Variants in SRGAP2B observed in about 807,000 individuals in gnomAD.
SRGAP2B encodes the protein SLIT-ROBO Rho GTPase activating protein 2B.
In SRGAP2B, 9 loss-of-function variants were observed where a neutral mutation model predicts 22.2. That is an observed-to-expected ratio of 0.41 (90% confidence interval 0.24 to 0.71). SRGAP2B has a LOEUF of 0.71. Ranked by LOEUF, SRGAP2B falls within the 30% of genes least tolerant of loss-of-function variation. SRGAP2B has a pLI of 0.35. For synonymous variants in SRGAP2B, 36 were observed against 87.4 expected, an observed-to-expected ratio of 0.41 and a Z score of 3.28; for missense variants, 114 against 235.8, an observed-to-expected ratio of 0.48 and a Z score of 3.38.
intron 4 of SRGAP2B, among the ~76,000 whole-genome samples, chr1:144,928,518 A>C (rs1266334416): frequency 7.6e-6 from 1 of 131,266 alleles, no homozygotes; most frequent in Non-Finnish European, 1.6e-5. Flanking sequence ...GCTCACTGCA[A>C]GCTCCGCCTC....
At chr1:144,966,879 CA>C (rs1349857432) in intron 3 of SRGAP2B, among the ~76,000 whole-genome samples, 3 of 147,946 alleles carry the variant, frequency 2.0e-5, no homozygotes, top group African/African-American at 7.9e-5. Context: ...CCACAAAGAT[CA>C]AAAGAGACAA....
intron 4 of SRGAP2B, among the ~76,000 whole-genome samples, chr1:144,927,087 C>T (rs1553605127): frequency 1.3e-5 from 2 of 150,210 alleles, no homozygotes; most frequent in Admixed American, 1.3e-4. Context: ...GTAGCTGGGA[C>T]TACAGGTGCC....
chr1:144,929,417 T>C (rs1291068864), intron 4 of SRGAP2B, among the ~76,000 whole-genome samples: 1 of 150,588 alleles, frequency 6.6e-6, no homozygotes, highest in African/African-American at 2.5e-5. Context: ...TATATTTTCT[T>C]CTAAGAGTTT....
chr1:144,944,672 A>C (rs1570806848), intron 4 of SRGAP2B, among the ~76,000 whole-genome samples: 1 of 144,534 alleles, frequency 6.9e-6, no homozygotes, highest in African/African-American at 2.6e-5. Flanking sequence ...AACAAAAGAA[A>C]GAATTGGTTG....
intron 2 of SRGAP2B, among the ~76,000 whole-genome samples, chr1:144,998,985 CAACA>C (rs1670917474): frequency 6.6e-6 from 1 of 150,834 alleles, no homozygotes; most frequent in African/African-American, 2.5e-5. Flanking sequence ...CCTGGCCTAT[CAACA>C]AACAAAAGGG....
intron 4 of SRGAP2B, among the ~76,000 whole-genome samples, chr1:144,924,556 G>A (rs3098602): frequency 6.6e-5 from 10 of 151,004 alleles, no homozygotes; most frequent in South Asian, 2.1e-4. Flanking sequence ...GTGAAACCCC[G>A]TCTCTACTAA....
intron 3 of SRGAP2B, among the ~76,000 whole-genome samples, chr1:144,966,440 C>T (rs1553612257): frequency 6.8e-6 from 1 of 147,350 alleles, no homozygotes. Flanking sequence ...CAAGCAAATG[C>T]TGACCGATTT....
intron 2 of SRGAP2B, among the ~76,000 whole-genome samples, chr1:144,999,298 A>G (rs1411002730): frequency 1.4e-5 from 2 of 147,532 alleles, no homozygotes; most frequent in Non-Finnish European, 3.0e-5. Context: ...TTAGGGGTAC[A>G]AAAGAATTCC....
chr1:144,907,691 C>A (rs1398533790), intron 5 of SRGAP2B, among the ~76,000 whole-genome samples: 1 of 150,002 alleles, frequency 6.7e-6, no homozygotes, highest in Non-Finnish European at 1.5e-5. Flanking sequence ...TGCTGAACAT[C>A]CCATGCACAG....
At chr1:144,952,272 T>C in intron 4 of SRGAP2B, among the ~76,000 whole-genome samples, 1 of 144,154 alleles carries the variant, frequency 6.9e-6, no homozygotes, top group Non-Finnish European at 1.5e-5. Flanking sequence ...GCATCTCCTC[T>C]GATAGCACAA....
In SRGAP2B at chr1:145,014,306, AAAC is replaced by A. The variant is rs1193751628; in HGVS notation, c.68-19109_68-19107del. Reference sequence around the variant, plus strand: ...ACAGAGTGAGACTCCATCTCAAAAAAAACAACAACAACAAACGAACAAACAAAA... The same window carrying A: ...ACAGAGTGAGACTCCATCTCAAAAAAAACAACAACAAACGAACAAACAAAA... On this transcript the variant is annotated intron_variant, in intron 2 of 9. Coordinates refer to ENST00000612199, the Ensembl canonical transcript of SRGAP2B. Among the ~76,000 whole-genome samples the A allele has an allele frequency of 2.0e-4, 29 of 147,854 alleles. 1 individual carries two copies. The highest frequency in any genetic ancestry group is 7.0e-4 in the African/African-American group (27 of 38,680).
At chr1:145,047,118 A>G (rs1421472430) in intron 2 of SRGAP2B, among the ~76,000 whole-genome samples, 2 of 138,998 alleles carry the variant, frequency 1.4e-5, no homozygotes, top group African/African-American at 5.8e-5. Flanking sequence ...GGAGGCTGCA[A>G]TGAGCCAAGA....
rs1336281562 is a variant in SRGAP2B, at chr1:144,905,669, C to T, written c.702+190G>A. 2.9e-4 allele frequency among the ~76,000 whole-genome samples: 44 copies of T among 149,758 alleles called. 1 individual carries two copies. Among genetic ancestry groups the T allele is most frequent in the Non-Finnish European group, 5.2e-4 (35 of 67,902 alleles). On this transcript the variant is annotated intron_variant, in intron 6 of 9. Transcript: ENST00000612199. ...CTAGAGGCTAGAAACTTGGAACCCA[C>T]GTGCCCAGTTCTTCCAATACCTAGT...
chr1:144,915,835 T>C (rs1370397765), intron 4 of SRGAP2B, among the ~76,000 whole-genome samples: 1 of 150,616 alleles, frequency 6.6e-6, no homozygotes, highest in African/African-American at 2.5e-5. Context: ...TAAAACTGAT[T>C]GGCAGCATGG....
chr1:144,956,473 A>C (rs1466402067), intron 3 of SRGAP2B, among the ~76,000 whole-genome samples: 1 of 119,562 alleles, frequency 8.4e-6, no homozygotes, highest in Non-Finnish European at 1.7e-5. Flanking sequence ...TTTGAGACAA[A>C]GTCTCACTCT....
rs1366407063 is a variant in SRGAP2B, at chr1:144,966,746, T to A, written c.261-11145A>T. Among the ~76,000 whole-genome samples, 4 of 147,736 alleles carry A rather than the reference T, an allele frequency of 2.7e-5. No homozygotes were observed. In the East Asian group the frequency reaches 5.8e-4, roughly 21 times the overall value. ...TCAGTGTGCTGTATTCAAGAAACCC[T>A]TCTCACGTGCAGAGACACACATAGG... On this transcript the variant is annotated intron_variant, in intron 3 of 9. Coordinates refer to ENST00000612199, the Ensembl canonical transcript of SRGAP2B.
At chr1:144,965,621 C>T (rs11249375) in intron 3 of SRGAP2B, among the ~76,000 whole-genome samples, 48,622 of 121,452 alleles carry the variant, frequency 0.4, 10,812 homozygotes, top group African/African-American at 0.54. Flanking sequence ...TCACCAGCAA[C>T]GGAACAAAGC....
intron 4 of SRGAP2B, among the ~76,000 whole-genome samples, chr1:144,940,748 A>T (rs1206657681): frequency 4.8e-5 from 7 of 146,482 alleles, no homozygotes; most frequent in African/African-American, 1.8e-4. Context: ...GGTTGCAGTG[A>T]GCCAAGATCA....
rs1170608911 is a variant in SRGAP2B at position 144,925,285 on chromosome 1, G to A, written c.424-10531C>T. Among the ~76,000 whole-genome samples the A allele has an allele frequency of 5.4e-5, 8 of 148,818 alleles. 1 individual carries two copies. Among genetic ancestry groups the A allele is most frequent in the Admixed American group, 2.0e-4 (3 of 15,020 alleles). ...CTCCGAAAGTGCTGTGATTACAGGA[G>A]TGAGCCACCATGCCCAGCCTGGAAA... On this transcript the variant is annotated intron_variant, in intron 4 of 9. Transcript: ENST00000612199.
Sources: gnomAD v4.1 joint callset for allele counts (sites outside exome capture counted in the v4.1 genomes callset) on GRCh38, gnomAD v4.1.1 for gene constraint, MANE v1.5 for transcripts, NCBI Gene and HGNC (gene_info 2026-07-23, HGNC 2026-07-21) for gene names.